ARMC7: variants seen among roughly 807,000 people sequenced by gnomAD.
ARMC7 encodes armadillo repeat containing 7.
In ARMC7, 9 loss-of-function variants were observed where a neutral mutation model predicts 14.8. That is an observed-to-expected ratio of 0.61 (90% CI 0.37 to 1.06). The LOEUF is 1.06. Ranked by LOEUF, ARMC7 falls within the 50% of genes least tolerant of loss-of-function variation. ARMC7 has a pLI of 0.01. For synonymous variants in ARMC7, 125 were observed against 123.4 expected, an observed-to-expected ratio of 1.01 and a Z score of -0.09; for missense variants, 262 against 267.1, an observed-to-expected ratio of 0.98 and a Z score of 0.13.
chr17:75,118,161 G>A (rs994091092), intron 2 of ARMC7, among the ~76,000 whole-genome samples: 2 of 151,330 alleles, frequency 1.3e-5, no homozygotes, highest in Non-Finnish European at 2.9e-5. Flanking sequence ...TAGTTTCTAT[G>A]GGGAAACCAG....
At position 75,128,959 on chromosome 17, in the gene ARMC7, T is replaced by C. The variant is rs1371594408; in HGVS notation, c.518T>C (p.Val173Ala). 1 of 1,604,742 alleles carries C rather than the reference T, an allele frequency of 6.2e-7. No individual in the cohort carries two copies. The highest frequency in any genetic ancestry group is 1.7e-5 in the Admixed American group (1 of 59,936). The change falls in exon 3 of 3, where the codon GTG (valine) becomes GCG (alanine). Residue 173 changes from valine to alanine, a missense_variant. Physicochemically the swap from Val to Ala is moderately conservative, Grantham distance 64. Coordinates refer to ENST00000245543, the MANE Select transcript of ARMC7 (RefSeq NM_024585.4). The part of the protein sequence containing the change: ...FLEDFCSPRQ[V>A]AEARSRQAHS... ...GAGGACTTCTGCTCCCCCCGCCAGG[T>C]GGCCGAGGCCCGCAGCCGGCAGGCG... is the stretch of plus-strand genomic sequence containing the variant.
At chr17:75,123,489 G>A (rs903812449) in intron 2 of ARMC7, among the ~76,000 whole-genome samples, 28 of 151,604 alleles carry the variant, frequency 1.8e-4, no homozygotes, top group African/African-American at 6.5e-4. Flanking sequence ...GAGTAGCTGG[G>A]ACTACAGGTG....
chr17:75,125,812 C>G (rs950744523), intron 2 of ARMC7, among the ~76,000 whole-genome samples: 10 of 152,166 alleles, frequency 6.6e-5, no homozygotes, highest in Non-Finnish European at 1.2e-4. Flanking sequence ...CCACTTCACT[C>G]CAGCCTGGGT....
At chr17:75,115,310 G>T (rs191323819) in intron 2 of ARMC7, among the ~76,000 whole-genome samples, 2 of 152,194 alleles carry the variant, frequency 1.3e-5, no homozygotes, top group East Asian at 1.9e-4. Context: ...GAGGCCGAGG[G>T]GGGTGGATCA....
intron 2 of ARMC7, among the ~76,000 whole-genome samples, chr17:75,119,635 T>A (rs1329901205): frequency 6.6e-6 from 1 of 151,064 alleles, no homozygotes; most frequent in African/African-American, 2.4e-5. Context: ...TATTTTTTTT[T>A]TTTTTTAGTA....
intron 2 of ARMC7, among the ~76,000 whole-genome samples, chr17:75,127,960 G>A (rs957061498): frequency 6.6e-6 from 1 of 152,056 alleles, no homozygotes; most frequent in Non-Finnish European, 1.5e-5. Flanking sequence ...TATTTAAAGG[G>A]TACAATTTGA....
intron 2 of ARMC7, among the ~76,000 whole-genome samples, chr17:75,122,320 C>T (rs761529933): frequency 7.3e-5 from 11 of 151,588 alleles, no homozygotes; most frequent in Non-Finnish European, 1.2e-4. Context: ...AGCAAAACTC[C>T]GTCTCAAAAC....
chr17:75,127,294 GA>G (rs2145135876), intron 2 of ARMC7, among the ~76,000 whole-genome samples: 1 of 152,278 alleles, frequency 6.6e-6, no homozygotes, highest in South Asian at 2.1e-4. Context: ...ATTGTAGAAT[GA>G]AAAACAAATG....
intron 2 of ARMC7, among the ~76,000 whole-genome samples, chr17:75,124,265 G>A (rs371067628): frequency 2.8e-4 from 43 of 152,188 alleles, no homozygotes; most frequent in Non-Finnish European, 4.6e-4. Context: ...CTGCCACTGC[G>A]GAGAGGGTCC....
chr17:75,113,983 A>T (rs1480305544), intron 2 of ARMC7, among the ~76,000 whole-genome samples: 1 of 152,190 alleles, frequency 6.6e-6, no homozygotes, highest in African/African-American at 2.4e-5. Context: ...AGCTCCCTGG[A>T]CTTACTGCCC....
chr17:75,117,015 C>T (rs1480048605), intron 2 of ARMC7, among the ~76,000 whole-genome samples: 1 of 152,192 alleles, frequency 6.6e-6, no homozygotes, highest in East Asian at 1.9e-4. Flanking sequence ...TTCGCTCACC[C>T]TGCACACTAA....
At chr17:75,116,410 C>T (rs1382041017) in intron 2 of ARMC7, among the ~76,000 whole-genome samples, 8 of 152,096 alleles carry the variant, frequency 5.3e-5, no homozygotes, top group East Asian at 1.9e-4. Flanking sequence ...GGCAGATCAC[C>T]GGAGGTCGGG....
At chr17:75,113,373 G>A (rs1469855016) in intron 2 of ARMC7, among the ~76,000 whole-genome samples, 3 of 139,964 alleles carry the variant, frequency 2.1e-5, no homozygotes, top group East Asian at 4.1e-4. Flanking sequence ...TTTTTTTTTT[G>A]AGATGGAGTC....
chr17:75,113,807 C>A (rs903061317), intron 2 of ARMC7, among the ~76,000 whole-genome samples: 2 of 152,236 alleles, frequency 1.3e-5, no homozygotes, highest in African/African-American at 4.8e-5. Flanking sequence ...CACACCCCCA[C>A]AGACAGCTGC....
chr17:75,128,596 C>T, intron 2 of ARMC7, 81 bp from the exon 3 acceptor site: 1 of 1,529,512 alleles, frequency 6.5e-7, no homozygotes, highest in Non-Finnish European at 8.8e-7. Flanking sequence ...CAGCCTGGGC[C>T]CCTACCTGGG....
In ARMC7 at chr17:75,128,970, C is replaced by G. The variant is rs762816458; in HGVS notation, c.529C>G (p.Arg177Gly). The change falls in exon 3 of 3, where the codon CGC becomes GGC. Residue 177 changes from arginine to glycine, a missense_variant. By Grantham distance (125) the Arg-to-Gly change is moderately radical (BLOSUM62 -2). Coordinates refer to ENST00000245543, the MANE Select transcript of ARMC7 (RefSeq NM_024585.4). ...CTCCCCCCGCCAGGTGGCCGAGGCCCGCAGCCGGCAGGCGCACTCTGCCCT... is the reference window on the plus strand; with the variant it reads ...CTCCCCCCGCCAGGTGGCCGAGGCCGGCAGCCGGCAGGCGCACTCTGCCCT... ...FCSPRQVAEA[R>G]SRQAHSALGI... 1.8e-5 allele frequency: 29 copies of G among 1,603,230 alleles called. No homozygotes were observed. Among genetic ancestry groups the G allele is most frequent in the South Asian group, 8.8e-5 (8 of 90,954 alleles).
chr17:75,124,077 C>T (rs1390571248), intron 2 of ARMC7, among the ~76,000 whole-genome samples: 3 of 152,178 alleles, frequency 2.0e-5, no homozygotes. Context: ...CAGGGAGAAG[C>T]TCAAAGCAGC....
chr17:75,129,225 G>C lies in ARMC7; in HGVS notation c.*187G>C. 1 of 804,936 alleles carries C rather than the reference G, an allele frequency of 1.2e-6. No individual in the cohort carries two copies. The highest frequency in any genetic ancestry group is 1.9e-6 in the Non-Finnish European group (1 of 529,794). 49.9% of individuals were successfully genotyped at this position (804,936 alleles called of 1,614,324 possible). ...CTGGGAGTGAGGAAGCCAGACTCCAGAGACACGGAGAAGATCAAACTGGAG... is the reference window on the plus strand; with the variant it reads ...CTGGGAGTGAGGAAGCCAGACTCCACAGACACGGAGAAGATCAAACTGGAG... On this transcript the variant is annotated 3_prime_UTR_variant, in exon 3 of 3. Transcript: ENST00000245543.
intron 2 of ARMC7, among the ~76,000 whole-genome samples, chr17:75,112,577 T>C (rs1030869780): frequency 2.8e-5 from 4 of 141,134 alleles, no homozygotes; most frequent in Admixed American, 6.9e-5. Flanking sequence ...CTTTTTCTTT[T>C]TTTTTTTTTT....
Sources: gnomAD v4.1 joint callset for allele counts (sites outside exome capture counted in the v4.1 genomes callset) on GRCh38, gnomAD v4.1.1 for gene constraint, MANE v1.5 for transcripts, NCBI Gene and HGNC (gene_info 2026-07-23, HGNC 2026-07-21) for gene names.